The following ROR1 variants were observed in gnomAD, a reference collection of about 807,000 sequenced individuals.
ROR1 encodes the protein inactive tyrosine-protein kinase transmembrane receptor ROR1.
ROR1 carries 19 observed loss-of-function variants against 78.8 expected under a neutral mutation model. That is an observed-to-expected ratio of 0.24 (90% CI 0.17 to 0.35). ROR1 has a LOEUF of 0.35. Ranked by LOEUF, ROR1 falls within the 10% of genes least tolerant of loss-of-function variation. The probability of loss-of-function intolerance (pLI) is 1.00; values close to 1 mark genes in which losing one functional copy is unlikely to be tolerated. For missense variants in ROR1, 917 were observed against 1,177.8 expected, an observed-to-expected ratio of 0.78 and a Z score of 3.24; for synonymous variants, 386 against 433.6, an observed-to-expected ratio of 0.89 and a Z score of 1.36.
intron 1 of ROR1, among the ~76,000 whole-genome samples, chr1:63,811,572 T>C (rs1189963307): frequency 6.6e-6 from 1 of 152,118 alleles, no homozygotes; most frequent in Admixed American, 6.6e-5. Context: ...TCCATCTTTT[T>C]TTTCCCCTCC....
At chr1:63,866,831 G>A (rs939399358) in intron 1 of ROR1, among the ~76,000 whole-genome samples, 2 of 152,034 alleles carry the variant, frequency 1.3e-5, no homozygotes, top group African/African-American at 4.8e-5. Flanking sequence ...TGTACAGAAA[G>A]TTATTTTCTG....
chr1:64,069,686 G>A (rs1178958193), intron 4 of ROR1, among the ~76,000 whole-genome samples: 1 of 152,204 alleles, frequency 6.6e-6, no homozygotes, highest in African/African-American at 2.4e-5. Flanking sequence ...CTAGCAGGCA[G>A]ATCCCTGCAG....
chr1:63,810,132 C>G (rs1032123328), intron 1 of ROR1, among the ~76,000 whole-genome samples: 7 of 152,044 alleles, frequency 4.6e-5, no homozygotes, highest in Admixed American at 1.3e-4. Context: ...AACGAGAAAC[C>G]CATTTTGAGA....
At chr1:63,785,315 G>A (rs1644677281) in intron 1 of ROR1, among the ~76,000 whole-genome samples, 1 of 152,046 alleles carries the variant, frequency 6.6e-6, no homozygotes, top group Non-Finnish European at 1.5e-5. Context: ...GTGATGGACT[G>A]TATTAGCCTT....
chr1:63,841,515 C>T (rs1361245839), intron 1 of ROR1, among the ~76,000 whole-genome samples: 4 of 152,168 alleles, frequency 2.6e-5, no homozygotes, highest in Non-Finnish European at 4.4e-5. Context: ...TCTTAGAATT[C>T]TGTTCTGCTT....
chr1:64,061,655 A>G (rs1464718455), intron 4 of ROR1, among the ~76,000 whole-genome samples: 4 of 152,170 alleles, frequency 2.6e-5, no homozygotes, highest in Non-Finnish European at 4.4e-5. Flanking sequence ...AGGGGTTTAG[A>G]GAAGAGGTGC....
At chr1:63,866,720 G>A (rs1352750912) in intron 1 of ROR1, among the ~76,000 whole-genome samples, 4 of 152,042 alleles carry the variant, frequency 2.6e-5, no homozygotes, top group African/African-American at 9.7e-5. Context: ...TTTAGACTAG[G>A]CCTGCTCAGT....
intron 2 of ROR1, among the ~76,000 whole-genome samples, chr1:64,011,838 G>A (rs1646477140): frequency 6.6e-6 from 1 of 152,176 alleles, no homozygotes; most frequent in Admixed American, 6.5e-5. Context: ...CTCTGGTCTA[G>A]GAACTCTATG....
intron 2 of ROR1, among the ~76,000 whole-genome samples, chr1:64,036,379 A>G (rs1646702470): frequency 6.6e-6 from 1 of 152,156 alleles, no homozygotes; most frequent in Non-Finnish European, 1.5e-5. Context: ...CTTTATGTTT[A>G]TTTTTACTTC....
intron 4 of ROR1, among the ~76,000 whole-genome samples, chr1:64,107,711 A>G (rs1364289403): frequency 4.0e-5 from 6 of 151,562 alleles, no homozygotes; most frequent in Admixed American, 1.3e-4. Context: ...TTAGATTTCT[A>G]TTTTAAGCCC....
intron 4 of ROR1, among the ~76,000 whole-genome samples, chr1:64,070,259 A>G (rs942104971): frequency 5.9e-5 from 9 of 152,196 alleles, no homozygotes; most frequent in South Asian, 2.1e-4. Context: ...ACTTCCTGGC[A>G]TAGCAATGAG....
At chr1:63,851,829 C>T (rs1645115850) in intron 1 of ROR1, among the ~76,000 whole-genome samples, 1 of 152,070 alleles carries the variant, frequency 6.6e-6, no homozygotes, top group Non-Finnish European at 1.5e-5. Flanking sequence ...ATAATCCTTC[C>T]TTGGGTTAAG....
chr1:63,804,340 A>T (rs1377570412), intron 1 of ROR1, among the ~76,000 whole-genome samples: 3 of 152,148 alleles, frequency 2.0e-5, no homozygotes, highest in Non-Finnish European at 2.9e-5. Flanking sequence ...ACCAATGCTG[A>T]TTTCCTGATT....
chr1:64,060,801 G>T (rs1046644307), intron 4 of ROR1, among the ~76,000 whole-genome samples: 2 of 152,174 alleles, frequency 1.3e-5, no homozygotes, highest in Admixed American at 6.5e-5. Flanking sequence ...AGATAAGAAG[G>T]ATTTCTAATC....
chr1:63,800,929 A>T (rs538526954), intron 1 of ROR1, among the ~76,000 whole-genome samples: 1 of 150,604 alleles, frequency 6.6e-6, no homozygotes, highest in Non-Finnish European at 1.5e-5. Context: ...GATGTTTTTC[A>T]TCTATAAAAA....
At chr1:64,138,087 C>G (rs1399512807) in intron 5 of ROR1, among the ~76,000 whole-genome samples, 3 of 152,286 alleles carry the variant, frequency 2.0e-5, no homozygotes, top group Non-Finnish European at 1.5e-5. Flanking sequence ...AATCTAATAG[C>G]GAAGCACTTA....
At chr1:63,947,171 A>G (rs989675565) in intron 1 of ROR1, among the ~76,000 whole-genome samples, 5 of 152,182 alleles carry the variant, frequency 3.3e-5, no homozygotes, top group Non-Finnish European at 7.3e-5. Flanking sequence ...CACGTTGCCC[A>G]TGTTGGCCCA....
At chr1:64,068,366 C>T (rs1646975345) in intron 4 of ROR1, among the ~76,000 whole-genome samples, 3 of 152,084 alleles carry the variant, frequency 2.0e-5, no homozygotes, top group South Asian at 4.1e-4. Flanking sequence ...TATTATTTGG[C>T]AACCATCCTT....
At chr1:63,814,985 C>T (rs1220365204) in intron 1 of ROR1, among the ~76,000 whole-genome samples, 1 of 152,192 alleles carries the variant, frequency 6.6e-6, no homozygotes, top group Non-Finnish European at 1.5e-5. Context: ...TCTGCTTTGC[C>T]CAGTTCTGTC....
Sources: allele counts gnomAD v4.1 joint callset (sites outside exome capture counted in the v4.1 genomes callset), GRCh38; gene constraint gnomAD v4.1.1; transcripts MANE v1.5; gene names NCBI Gene and HGNC (gene_info 2026-07-23, HGNC 2026-07-21).